ROR2: variants seen among roughly 807,000 people sequenced by gnomAD.
ROR2 encodes the protein tyrosine-protein kinase transmembrane receptor ROR2.
In ROR2, 33 loss-of-function variants were observed where a neutral mutation model predicts 74.9. The ratio of observed to expected loss-of-function variants is 0.44; its 90% confidence interval spans 0.33 to 0.59. ROR2 has a LOEUF of 0.59. Among genes scored for constraint, ROR2 ranks in the 20% least tolerant of loss-of-function variants. The pLI is 0.02. For synonymous variants in ROR2, 586 were observed against 558.7 expected (o/e 1.05, Z -0.69); for missense variants, 1,216 against 1,313.8 (o/e 0.93, Z 1.15).
At chr9:91,789,538 T>G (rs560282046) in intron 1 of ROR2, among the ~76,000 whole-genome samples, 31 of 152,308 alleles carry the variant, frequency 2.0e-4, no homozygotes, top group African/African-American at 7.0e-4. Flanking sequence ...ATAAAGTCTA[T>G]GACACTAATA....
At chr9:91,824,526 A>G (rs1587755632) in intron 1 of ROR2, among the ~76,000 whole-genome samples, 1 of 152,220 alleles carries the variant, frequency 6.6e-6, no homozygotes, top group African/African-American at 2.4e-5. Context: ...CAGGAAGAAA[A>G]GCGAAAGGGA....
At chr9:91,760,095 C>T (rs1053651471) in intron 2 of ROR2, among the ~76,000 whole-genome samples, 4 of 152,252 alleles carry the variant, frequency 2.6e-5, no homozygotes, top group African/African-American at 9.6e-5. Context: ...CTCCAAAGCA[C>T]AGCAAGCTGG....
Position 91,726,548 on chromosome 9 carries a change from T to C in ROR2, c.1379A>G (p.His460Arg), listed in dbSNP as rs778232807. 3 of 1,612,264 alleles carry C rather than the reference T, an allele frequency of 1.9e-6. No homozygotes were observed. The highest frequency in any genetic ancestry group is 2.5e-6 in the Non-Finnish European group (3 of 1,180,006). The change falls in exon 8 of 9, where the codon CAC becomes CGC. Residue 460 changes from histidine to arginine, a missense_variant. By Grantham distance (29) the His-to-Arg change is conservative. Transcript: ENST00000375708. ...QDMEMPLINQ[H>R]KQAKLKEISL... ...AATGTAAGGCATGGAGACCTGTTTG[T>C]GCTGGTTAATGAGGGGCATTTCCAT...
intron 1 of ROR2, among the ~76,000 whole-genome samples, chr9:91,935,969 C>T (rs779949689): frequency 4.6e-5 from 7 of 152,186 alleles, no homozygotes; most frequent in Non-Finnish European, 8.8e-5. Context: ...ACCGCAGCCC[C>T]AGCTACTCCA....
At chr9:91,870,665 T>C (rs1829770272) in intron 1 of ROR2, among the ~76,000 whole-genome samples, 1 of 152,230 alleles carries the variant, frequency 6.6e-6, no homozygotes, top group Non-Finnish European at 1.5e-5. Context: ...TCAAATAAAG[T>C]ACTAAATGTT....
intron 1 of ROR2, among the ~76,000 whole-genome samples, chr9:91,883,005 C>G (rs757473907): frequency 1.3e-5 from 2 of 152,186 alleles, no homozygotes; most frequent in African/African-American, 4.8e-5. Flanking sequence ...TAATCTGAAA[C>G]AAGAACTCAA....
At chr9:91,930,936 C>T (rs556067235) in intron 1 of ROR2, among the ~76,000 whole-genome samples, 1 of 152,148 alleles carries the variant, frequency 6.6e-6, no homozygotes, top group Non-Finnish European at 1.5e-5. Context: ...CTCAAAAATT[C>T]ATAGTATTTG....
At chr9:91,923,513 G>C (rs559742822) in intron 1 of ROR2, 1 of 152,348 alleles carries the variant, frequency 6.6e-6, no homozygotes, top group South Asian at 2.1e-4. Context: ...GCTAATTTAA[G>C]ACTTGGCAAG....
At chr9:91,872,998 T>C (rs1462165865) in intron 1 of ROR2, among the ~76,000 whole-genome samples, 1 of 152,252 alleles carries the variant, frequency 6.6e-6, no homozygotes, top group East Asian at 1.9e-4. Flanking sequence ...CTGAAATTCT[T>C]AAACTTCTTG....
chr9:91,920,800 C>G (rs1189589295), intron 1 of ROR2, among the ~76,000 whole-genome samples: 2 of 152,152 alleles, frequency 1.3e-5, no homozygotes, highest in Non-Finnish European at 2.9e-5. Context: ...GGCGGAGACC[C>G]CACTATGGGG....
At chr9:91,884,862 A>T (rs1427161272) in intron 1 of ROR2, among the ~76,000 whole-genome samples, 2 of 152,176 alleles carry the variant, frequency 1.3e-5, no homozygotes, top group Non-Finnish European at 2.9e-5. Flanking sequence ...TTTGAGGCCA[A>T]TTTTTAAAAT....
intron 1 of ROR2, among the ~76,000 whole-genome samples, chr9:91,873,530 G>A (rs1829867581): frequency 6.6e-6 from 1 of 152,194 alleles, no homozygotes; most frequent in Non-Finnish European, 1.5e-5. Flanking sequence ...GGAGGTTGCA[G>A]TGAGCCAAGA....
In ROR2 at chr9:91,725,210, A is replaced by AG. The variant is rs200236339; in HGVS notation, c.1387-104dup. On this transcript the variant is annotated intron_variant, in intron 8 of 8. Transcript: ENST00000375708. ...GTGGAGTCCCTGTGCGGCCACGACTAGGGGGGCCTTGCAGAAGACCCGCTG... is the reference window on the plus strand; with the variant it reads ...GTGGAGTCCCTGTGCGGCCACGACTAGGGGGGGCCTTGCAGAAGACCCGCTG... 38,358 of 1,590,550 alleles carry AG rather than the reference A, an allele frequency of 0.024. 842 individuals carry two copies. Among genetic ancestry groups the AG allele is most frequent in the Admixed American group, 0.12 (7,067 of 59,990 alleles).
intron 1 of ROR2, among the ~76,000 whole-genome samples, chr9:91,853,795 CGGCCTGATGG>C (rs1829189112): frequency 6.6e-6 from 1 of 152,196 alleles, no homozygotes; most frequent in Non-Finnish European, 1.5e-5. Context: ...ATATTCAACT[CGGCCTGATGG>C]GGCTGTGGGC....
chr9:91,806,183 A>C (rs1827541145), intron 1 of ROR2, among the ~76,000 whole-genome samples: 1 of 152,184 alleles, frequency 6.6e-6, no homozygotes, highest in Non-Finnish European at 1.5e-5. Context: ...CTAACAGCAT[A>C]CCATAGACCA....
At chr9:91,840,503 T>G (rs1434839639) in intron 1 of ROR2, among the ~76,000 whole-genome samples, 1 of 152,200 alleles carries the variant, frequency 6.6e-6, no homozygotes, top group Non-Finnish European at 1.5e-5. Context: ...ACGTTTTCTT[T>G]CCAGTTTTGA....
At chr9:91,948,548 T>C (rs1442103443) in intron 1 of ROR2, 1 of 982,886 alleles carries the variant, frequency 1.0e-6, no homozygotes, top group Admixed American at 6.1e-5. Context: ...GTAATCAACA[T>C]CTGCTTAAAC....
At chr9:91,918,243 G>A (rs1201288448) in intron 1 of ROR2, among the ~76,000 whole-genome samples, 1 of 97,008 alleles carries the variant, frequency 1.0e-5, no homozygotes, top group Non-Finnish European at 1.8e-5. Flanking sequence ...ACTCCAGCCT[G>A]GGCGACAGGA....
intron 7 of ROR2, 83 bp from the exon 8 acceptor site, chr9:91,726,826 C>T: frequency 7.5e-7 from 1 of 1,333,706 alleles, no homozygotes; most frequent in Non-Finnish European, 1.1e-6. Context: ...TCTCCACCTC[C>T]AGCCAAAATC....
Sources: allele counts gnomAD v4.1 joint callset (sites outside exome capture counted in the v4.1 genomes callset), GRCh38; gene constraint gnomAD v4.1.1; transcripts MANE v1.5; gene names NCBI Gene and HGNC (gene_info 2026-07-23, HGNC 2026-07-21).